The following TAF2 variants were observed in gnomAD, a reference collection of about 807,000 sequenced individuals.
TAF2 encodes the protein TATA-box binding protein associated factor 2.
In TAF2, 61 loss-of-function variants were observed where a neutral mutation model predicts 138.5. That is an observed-to-expected ratio of 0.44 (90% CI 0.36 to 0.54). TAF2 has a LOEUF of 0.54. Among genes scored for constraint, TAF2 ranks in the 20% least tolerant of loss-of-function variants. TAF2 has a pLI of 0.00. For synonymous variants in TAF2, 475 were observed against 469.9 expected (o/e 1.01, Z -0.14); for missense variants, 1,090 against 1,427.9 (o/e 0.76, Z 3.81).
intron 6 of TAF2, among the ~76,000 whole-genome samples, chr8:119,798,106 C>A (rs1823959596): frequency 6.6e-6 from 1 of 151,934 alleles, no homozygotes; most frequent in Non-Finnish European, 1.5e-5. Flanking sequence ...AACTCTAGTT[C>A]CAAATTCAAT....
intron 2 of TAF2, among the ~76,000 whole-genome samples, chr8:119,823,984 G>C (rs1825945265): frequency 6.6e-6 from 1 of 152,182 alleles, no homozygotes; most frequent in Non-Finnish European, 1.5e-5. Context: ...GTGGAACTTT[G>C]AACTTGAGAA....
chr8:119,789,803 G>A (rs1203167688), intron 11 of TAF2, 57 bp from the exon 12 acceptor site: 37 of 1,504,330 alleles, frequency 2.5e-5, no homozygotes, highest in Non-Finnish European at 3.2e-5. Flanking sequence ...CAATTATATA[G>A]AATACTCACT....
intron 2 of TAF2, among the ~76,000 whole-genome samples, chr8:119,826,261 TA>T (rs559420093): frequency 0.089 from 12,808 of 143,694 alleles, 716 homozygotes; most frequent in Non-Finnish European, 0.12. Context: ...AAAGTATAAT[TA>T]AAAAAAAAAA....
chr8:119,743,089 C>A (rs956933973), intron 24 of TAF2, among the ~76,000 whole-genome samples: 6 of 151,372 alleles, frequency 4.0e-5, no homozygotes, highest in East Asian at 3.9e-4. Context: ...TTTAAAAAAA[C>A]CCCAAAAAAC....
At chr8:119,813,497 T>A (rs1351905935) in intron 3 of TAF2, among the ~76,000 whole-genome samples, 1 of 152,210 alleles carries the variant, frequency 6.6e-6, no homozygotes, top group Non-Finnish European at 1.5e-5. Context: ...ACAAAATGGA[T>A]CTACTGGAAT....
At chr8:119,783,275 A>G (rs1393303026) in intron 16 of TAF2, 106 bp downstream of exon 16, 2 of 1,394,154 alleles carry the variant, frequency 1.4e-6, no homozygotes, top group Non-Finnish European at 1.9e-6. Flanking sequence ...GCTTTCAAAG[A>G]ATCAGCTACC....
intron 18 of TAF2, among the ~76,000 whole-genome samples, chr8:119,765,267 G>A (rs1821341188): frequency 6.6e-6 from 1 of 151,956 alleles, no homozygotes; most frequent in Non-Finnish European, 1.5e-5. Flanking sequence ...ACTTCTTCAA[G>A]ACAAGAACTA....
chr8:119,794,014 A>C (rs2131179676), intron 9 of TAF2, among the ~76,000 whole-genome samples: 1 of 151,972 alleles, frequency 6.6e-6, no homozygotes, highest in Non-Finnish European at 1.5e-5. Flanking sequence ...TGCAGCCTTG[A>C]CTTCCTGGGC....
chr8:119,804,516 A>G (rs1314935812), intron 4 of TAF2, among the ~76,000 whole-genome samples: 1 of 152,152 alleles, frequency 6.6e-6, no homozygotes, highest in Admixed American at 6.6e-5. Flanking sequence ...GTGATAGTGA[A>G]TAAGTGTCAC....
chr8:119,828,224 T>C (rs1826222643), intron 2 of TAF2, among the ~76,000 whole-genome samples: 1 of 152,124 alleles, frequency 6.6e-6, no homozygotes, highest in Non-Finnish European at 1.5e-5. Context: ...GGGTTCAGCA[T>C]GTTGAGAGGT....
chr8:119,788,830 A>G lies in TAF2; in HGVS notation c.1643T>C (p.Ile548Thr). The G allele has an allele frequency of 6.2e-7, 1 of 1,613,970 alleles. No individual in the cohort carries two copies. Among genetic ancestry groups the G allele is most frequent in the Non-Finnish European group, 8.5e-7 (1 of 1,179,916 alleles). ...TCCAGGAGATGTATAGTCCTGTTTT[A>G]TTTCCAGTTCCAAGACATTTCGTTT... ...NRKRNVLELEIKQDYTSPGTQ... is the reference protein window; with the variant it reads ...NRKRNVLELETKQDYTSPGTQ... The change falls in exon 13 of 26, where the codon ATA (isoleucine) becomes ACA (threonine). Residue 548 changes from isoleucine to threonine, a missense_variant. Around this residue, in one of 3 missense-constraint regions of TAF2, gnomAD observed 504 missense variants for 680.9 expected, o/e 0.74. Transcript: ENST00000378164.
At chr8:119,801,414 C>A (rs1586478505) in intron 6 of TAF2, among the ~76,000 whole-genome samples, 1 of 150,096 alleles carries the variant, frequency 6.7e-6, no homozygotes, top group Non-Finnish European at 1.5e-5. Flanking sequence ...TGAAGGAAGA[C>A]AATATTTCAT....
chr8:119,744,971 C>T (rs1186110818), intron 23 of TAF2: 1 of 456,114 alleles, frequency 2.2e-6, no homozygotes, highest in East Asian at 6.9e-5. Flanking sequence ...TATCAGACTT[C>T]CTCTTCACTC....
intron 22 of TAF2, among the ~76,000 whole-genome samples, chr8:119,749,993 G>A (rs7818587): frequency 0.87 from 132,111 of 152,212 alleles, 57,785 homozygotes; most frequent in African/African-American, 0.97. Context: ...AATGTTGTCT[G>A]TTCAAATCAG....
intron 18 of TAF2, among the ~76,000 whole-genome samples, chr8:119,768,620 A>C (rs1000250277): frequency 2.6e-5 from 4 of 152,222 alleles, no homozygotes; most frequent in African/African-American, 9.6e-5. Flanking sequence ...GCAGATGAGA[A>C]ATACATATTC....
intron 20 of TAF2, among the ~76,000 whole-genome samples, chr8:119,758,648 T>A (rs1053543096): frequency 1.3e-5 from 2 of 152,174 alleles, no homozygotes; most frequent in Non-Finnish European, 2.9e-5. Context: ...ACAAAAATAG[T>A]GCTATGAATA....
chr8:119,806,181 C>CA (rs1824628127), intron 4 of TAF2, 102 bp downstream of exon 4: 1 of 1,021,462 alleles, frequency 9.8e-7, no homozygotes, highest in South Asian at 1.3e-5. Flanking sequence ...GGATTACAGG[C>CA]ATGAGGCACA....
chr8:119,752,070 A>G (rs1390904175), intron 22 of TAF2, among the ~76,000 whole-genome samples: 1 of 152,164 alleles, frequency 6.6e-6, no homozygotes, highest in Non-Finnish European at 1.5e-5. Flanking sequence ...ACAACCAGAT[A>G]TAAATATAAT....
chr8:119,762,509 A>G lies in TAF2; in HGVS notation c.2464T>C (p.Leu822=). 6.2e-7 allele frequency: 1 copy of G among 1,613,998 alleles called. No individual in the cohort carries two copies. The highest frequency in any genetic ancestry group is 1.1e-5 in the South Asian group (1 of 91,076). The change falls in exon 19 of 26, where the codon TTA becomes CTA. Residue 822 remains leucine (L), a synonymous_variant. Coordinates refer to ENST00000378164, the MANE Select transcript of TAF2 (RefSeq NM_003184.4). Reference sequence around the variant, plus strand: ...AGAATGAGTCGCACATCAGGATTTAAGTTATCCAAAGTTCTAACTTCATTA... The same window carrying G: ...AGAATGAGTCGCACATCAGGATTTAGGTTATCCAAAGTTCTAACTTCATTA... ...VNNEVRTLDN[L]NPDVRLILEE... is the part of the protein sequence containing the mutation.
Sources: gnomAD v4.1 joint callset for allele counts (sites outside exome capture counted in the v4.1 genomes callset) on GRCh38, gnomAD v4.1.1 for gene constraint, gnomAD v4.1.1 regional missense constraint, MANE v1.5 for transcripts, NCBI Gene and HGNC (gene_info 2026-07-23, HGNC 2026-07-21) for gene names.